The following RNF19B variants were observed in gnomAD, a reference collection of about 807,000 sequenced individuals.
The protein encoded by RNF19B is ring finger protein 19B.
In RNF19B, 23 loss-of-function variants were observed where a neutral mutation model predicts 65.5. The observed-to-expected ratio is 0.35, with a 90% CI of 0.25 to 0.50. RNF19B has a LOEUF of 0.50. RNF19B is among the 20% of genes least tolerant of loss of function. The pLI is 0.98. For synonymous variants in RNF19B, 372 were observed against 379.6 expected, an observed-to-expected ratio of 0.98 and a Z score of 0.23; for missense variants, 794 against 980.0, an observed-to-expected ratio of 0.81 and a Z score of 2.53.
chr1:32,933,307 T>G (rs1159887506), downstream of RNF19B, among the ~76,000 whole-genome samples: 1 of 151,882 alleles, frequency 6.6e-6, no homozygotes, highest in Non-Finnish European at 1.5e-5. Context: ...CAGGCTGGAG[T>G]GCAGTGGCGC....
Position 32,959,881 on chromosome 1 carries a change from CAA to C in RNF19B, c.635+4168_635+4169del, listed in dbSNP as rs35488614. On this transcript the variant is annotated intron_variant, in intron 1 of 8. Transcript: ENST00000235150. ...TGAAACCCCGTCTCTACTAAAAATA[CAA>C]AAAAAAAAAAAAAAAAAATTAACCA... is the stretch of plus-strand genomic sequence containing the variant. 3.6e-3 allele frequency among the ~76,000 whole-genome samples: 338 copies of C among 93,144 alleles called. 1 individual carries two copies. Among genetic ancestry groups the C allele is most frequent in the African/African-American group, 9.5e-3 (244 of 25,612 alleles). The allele number at this position is 93,144 out of a possible 152,430, so 61.1% of individuals were successfully genotyped here. A position where few individuals can be genotyped will look rare whatever the true frequency, so the allele number is the denominator to read the frequency against.
chr1:32,942,236 TTATC>T lies in RNF19B; in HGVS notation c.1610+12_1610+15del, dbSNP rs1175445084. On this transcript the variant is annotated intron_variant, in intron 7 of 8. Transcript: ENST00000235150. ...TAATTCTAACCATTTCTGTCAGAAA[TTATC>T]TATTTGTTTACCTGCTATATTTTCC... 1 of 1,586,584 alleles carries T rather than the reference TTATC, an allele frequency of 6.3e-7. No homozygotes were observed. The highest frequency in any genetic ancestry group is 2.3e-5 in the East Asian group (1 of 44,210).
chr1:32,963,540 A>AC (rs1444175057), intron 1 of RNF19B, among the ~76,000 whole-genome samples: 3 of 151,682 alleles, frequency 2.0e-5, no homozygotes, highest in Non-Finnish European at 4.4e-5. Context: ...ACATGGTGAA[A>AC]CCCCATCTCT....
rs867982358 is a variant in RNF19B, at chr1:32,936,576, A to C, written c.*230T>G. 2.2e-6 allele frequency: 1 copy of C among 458,842 alleles called. No individual in the cohort carries two copies. Among genetic ancestry groups the C allele is most frequent in the Non-Finnish European group, 3.9e-6 (1 of 259,414 alleles). The allele number at this position is 458,842 out of a possible 1,614,324, so 28.4% of individuals were successfully genotyped here. A position where few individuals can be genotyped will look rare whatever the true frequency, so the allele number is the denominator to read the frequency against. ...ATTGCTGCCATCAGTTTAACCAATA[A>C]ATTAAAACTAAAAAGAGGGAGGGGA... is the stretch of plus-strand genomic sequence containing the variant. On this transcript the variant is annotated 3_prime_UTR_variant, in exon 9 of 9. Coordinates refer to ENST00000235150, the MANE Select transcript of RNF19B (RefSeq NM_001300826.2).
chr1:32,949,491 T>C (rs1642439256), intron 2 of RNF19B, 78 bp downstream of exon 2: 3 of 1,258,686 alleles, frequency 2.4e-6, no homozygotes, highest in Admixed American at 1.8e-5. Context: ...GGTTATACAA[T>C]AAGATAATTT....
intron 7 of RNF19B, among the ~76,000 whole-genome samples, chr1:32,941,617 C>A (rs1437934073): frequency 2.0e-5 from 3 of 152,140 alleles, no homozygotes; most frequent in Non-Finnish European, 4.4e-5. Flanking sequence ...TAACGGAGAG[C>A]ATTTTACGAA....
intron 1 of RNF19B, among the ~76,000 whole-genome samples, chr1:32,962,599 A>AG (rs1184028582): frequency 6.6e-6 from 1 of 152,220 alleles, no homozygotes; most frequent in Non-Finnish European, 1.5e-5. Context: ...TTTTGAAAGG[A>AG]GACAACCAGC....
At chr1:32,945,715 G>C (rs1398916934) in intron 4 of RNF19B, 87 bp from the exon 5 acceptor site, 8 of 724,214 alleles carry the variant, frequency 1.1e-5, no homozygotes, top group Non-Finnish European at 1.9e-5. Context: ...ATATTCACTT[G>C]TAAGTTATCT....
At chr1:32,934,607 G>C (rs1258229295), downstream of RNF19B, among the ~76,000 whole-genome samples, 1 of 151,948 alleles carries the variant, frequency 6.6e-6, no homozygotes, top group Non-Finnish European at 1.5e-5. Context: ...CTTGAACCCG[G>C]GAGGCTGAGG....
Position 32,944,164 on chromosome 1 carries a change from G to C in RNF19B, c.1262-5C>G, listed in dbSNP as rs759326070. On this transcript the variant is annotated splice_region_variant and splice_polypyrimidine_tract_variant and intron_variant, in intron 5 of 8. Coordinates refer to ENST00000235150, the MANE Select transcript of RNF19B (RefSeq NM_001300826.2). ...GCATAATGGGGACACCAATACCTGG[G>C]GGAAGAGAAGGAAACATGTCAGCTG... 2 of 1,606,844 alleles carry C rather than the reference G, an allele frequency of 1.2e-6. No individual in the cohort carries two copies. The highest frequency in any genetic ancestry group is 1.7e-6 in the Non-Finnish European group (2 of 1,176,754).
chr1:32,945,871 T>C (rs1309150333), intron 4 of RNF19B, among the ~76,000 whole-genome samples: 1 of 148,518 alleles, frequency 6.7e-6, no homozygotes, highest in Non-Finnish European at 1.5e-5. Flanking sequence ...CATTTTACCT[T>C]CTTCTTTTAT....
Position 32,964,731 on chromosome 1 carries a change from C to A in RNF19B, c.-46G>T. The A allele has an allele frequency of 7.4e-7, 1 of 1,355,672 alleles. No homozygotes were observed. Among genetic ancestry groups the A allele is most frequent in the South Asian group, 1.6e-5 (1 of 61,472 alleles). The allele number at this position is 1,355,672 out of a possible 1,614,324, so 84.0% of individuals were successfully genotyped here. A position where few individuals can be genotyped will look rare whatever the true frequency, so the allele number is the denominator to read the frequency against. On this transcript the variant is annotated 5_prime_UTR_variant, in exon 1 of 9. Coordinates refer to ENST00000235150, the MANE Select transcript of RNF19B (RefSeq NM_001300826.2). This position sits in a 1 kb window ranked among gnomAD's most constrained non-coding sequence, Gnocchi z 6.5. ...CCAGGGGCGCCCAGCGCCGCCACAG[C>A]TCCCGCCTCAGCGCCCCTCAGCCAG...
downstream of RNF19B, among the ~76,000 whole-genome samples, chr1:32,932,215 C>T (rs1642036180): frequency 6.6e-6 from 1 of 152,176 alleles, no homozygotes; most frequent in Admixed American, 6.5e-5. Flanking sequence ...ACCTCTGCCA[C>T]CATAGGGGAG....
intron 7 of RNF19B, among the ~76,000 whole-genome samples, chr1:32,940,712 C>A (rs1169557141): frequency 6.6e-6 from 1 of 152,160 alleles, no homozygotes; most frequent in Non-Finnish European, 1.5e-5. Flanking sequence ...TCTACCTTTA[C>A]CCCTCCCTAG....
chr1:32,950,661 A>G (rs1642472015), intron 1 of RNF19B, among the ~76,000 whole-genome samples: 1 of 149,256 alleles, frequency 6.7e-6, no homozygotes, highest in South Asian at 2.1e-4. Flanking sequence ...CTCAGCCTCT[A>G]GAGTAGCTGG....
chr1:32,938,255 A>C lies in RNF19B; in HGVS notation c.1742+142T>G, dbSNP rs1642154127. 3 of 805,016 alleles carry C rather than the reference A, an allele frequency of 3.7e-6. No homozygotes were observed. The African/African-American group carries it at 5.1e-5, about 14-fold the overall frequency. 49.9% of individuals were successfully genotyped at this position (805,016 alleles called of 1,614,324 possible). Reference sequence around the variant, plus strand: ...GATGCCAAACACTCAAGTACCAAGAACTTGCTCAAATGAATTCACAGGTTA... The same window carrying C: ...GATGCCAAACACTCAAGTACCAAGACCTTGCTCAAATGAATTCACAGGTTA... On this transcript the variant is annotated intron_variant, in intron 8 of 8. Coordinates refer to ENST00000235150, the MANE Select transcript of RNF19B (RefSeq NM_001300826.2).
downstream of RNF19B, among the ~76,000 whole-genome samples, chr1:32,935,713 A>C (rs1412677870): frequency 6.6e-6 from 1 of 152,020 alleles, no homozygotes; most frequent in Non-Finnish European, 1.5e-5. Flanking sequence ...CTCCAATAAC[A>C]GAATATTCTG....
At chr1:32,958,084 A>G (rs1642683013) in intron 1 of RNF19B, among the ~76,000 whole-genome samples, 1 of 152,240 alleles carries the variant, frequency 6.6e-6, no homozygotes, top group Non-Finnish European at 1.5e-5. Context: ...CATAAGGTTT[A>G]TGGTTAAATA....
intron 1 of RNF19B, among the ~76,000 whole-genome samples, chr1:32,951,177 C>A (rs773306371): frequency 6.6e-6 from 1 of 152,128 alleles, no homozygotes; most frequent in South Asian, 2.1e-4. Flanking sequence ...GTTTTATTGT[C>A]ATTAACATAT....
Sources: allele counts gnomAD v4.1 joint callset (sites outside exome capture counted in the v4.1 genomes callset), GRCh38; gene constraint gnomAD v4.1.1; non-coding constraint Gnocchi (gnomAD v3.1); transcripts MANE v1.5; gene names NCBI Gene and HGNC (gene_info 2026-07-23, HGNC 2026-07-21).